The following HDAC9 variants were observed in gnomAD, a reference collection of about 807,000 sequenced individuals.
HDAC9 encodes histone deacetylase 9.
HDAC9 carries 41 observed loss-of-function variants against 139.4 expected under a neutral mutation model. The ratio of observed to expected loss-of-function variants is 0.29; its 90% confidence interval spans 0.23 to 0.38. The LOEUF is 0.38. HDAC9 is among the 10% of genes least tolerant of loss of function. The probability of loss-of-function intolerance (pLI) is 1.00; values close to 1 mark genes in which losing one functional copy is unlikely to be tolerated. For missense variants in HDAC9, 1,147 were observed against 1,297.0 expected (o/e 0.88, Z 1.78); for synonymous variants, 517 against 476.2 (o/e 1.09, Z -1.12).
At chr7:18,422,098 A>G (rs1314433405) in intron 1 of HDAC9, among the ~76,000 whole-genome samples, 1 of 152,172 alleles carries the variant, frequency 6.6e-6, no homozygotes, top group Non-Finnish European at 1.5e-5. Flanking sequence ...TATAAAGAGG[A>G]CATATTCTCA....
intron 2 of HDAC9, among the ~76,000 whole-genome samples, chr7:18,523,045 G>A (rs1178477306): frequency 6.6e-6 from 1 of 152,118 alleles, no homozygotes; most frequent in African/African-American, 2.4e-5. Context: ...AGAAGGCCTG[G>A]GAAGCCTTTC....
At chr7:18,723,754 G>C (rs2129126130) in intron 12 of HDAC9, among the ~76,000 whole-genome samples, 1 of 152,028 alleles carries the variant, frequency 6.6e-6, no homozygotes, top group East Asian at 1.9e-4. Context: ...TATTTAAATG[G>C]AGTCCTTACG....
At chr7:18,595,712 C>T (rs1262049729) in intron 6 of HDAC9, among the ~76,000 whole-genome samples, 1 of 151,944 alleles carries the variant, frequency 6.6e-6, no homozygotes, top group Non-Finnish European at 1.5e-5. Context: ...TTGAATATAT[C>T]CTTACCACTG....
chr7:18,804,703 T>C (rs990076381), intron 17 of HDAC9, among the ~76,000 whole-genome samples: 3 of 152,212 alleles, frequency 2.0e-5, no homozygotes, highest in African/African-American at 7.2e-5. Flanking sequence ...GTGAATTCCT[T>C]AAAACAGCCA....
chr7:18,370,386 G>C (rs914342159), intron 1 of HDAC9, among the ~76,000 whole-genome samples: 1 of 152,092 alleles, frequency 6.6e-6, no homozygotes, highest in South Asian at 2.1e-4. Context: ...TTAATTTAGA[G>C]GGTGGCTGGA....
chr7:18,137,898 AC>A (rs1785553498), intron 1 of HDAC9, among the ~76,000 whole-genome samples: 1 of 151,762 alleles, frequency 6.6e-6, no homozygotes, highest in African/African-American at 2.4e-5. Context: ...TCCTCCTTGT[AC>A]CTCTGGTAGA....
intron 2 of HDAC9, among the ~76,000 whole-genome samples, chr7:18,253,152 G>A (rs1795026760): frequency 6.6e-6 from 1 of 152,140 alleles, no homozygotes; most frequent in African/African-American, 2.4e-5. Flanking sequence ...CCAGTCTACT[G>A]TTGATGAGCA....
At chr7:18,575,745 G>A (rs1030627288) in intron 2 of HDAC9, among the ~76,000 whole-genome samples, 4 of 152,204 alleles carry the variant, frequency 2.6e-5, no homozygotes, top group African/African-American at 9.7e-5. Context: ...AATTGCTTTA[G>A]GATTTTAATC....
At chr7:18,222,630 A>G (rs1792783960) in intron 2 of HDAC9, among the ~76,000 whole-genome samples, 1 of 152,110 alleles carries the variant, frequency 6.6e-6, no homozygotes, top group Admixed American at 6.6e-5. Flanking sequence ...TTTTTCCAGA[A>G]CTTGTTATTT....
intron 6 of HDAC9, among the ~76,000 whole-genome samples, chr7:18,625,404 C>T (rs900298416): frequency 6.6e-6 from 1 of 152,170 alleles, no homozygotes; most frequent in Non-Finnish European, 1.5e-5. Flanking sequence ...TCTCATACTT[C>T]GCACTATTAA....
intron 1 of HDAC9, among the ~76,000 whole-genome samples, chr7:18,462,676 G>A (rs1793952296): frequency 6.6e-6 from 1 of 151,896 alleles, no homozygotes; most frequent in South Asian, 2.1e-4. Flanking sequence ...ACTTAAGTTG[G>A]TGAGATTGAT....
intron 22 of HDAC9, among the ~76,000 whole-genome samples, chr7:18,915,825 G>GT (rs1411045371): frequency 6.6e-6 from 1 of 151,280 alleles, no homozygotes; most frequent in Non-Finnish European, 1.5e-5. Context: ...TCTATTTATG[G>GT]TTTTTTTGTT....
chr7:18,295,082 T>A (rs1157206470), intron 1 of HDAC9, among the ~76,000 whole-genome samples: 1 of 152,098 alleles, frequency 6.6e-6, no homozygotes, highest in Non-Finnish European at 1.5e-5. Context: ...AGGCATAAGA[T>A]GTCATGTAGA....
intron 2 of HDAC9, among the ~76,000 whole-genome samples, chr7:18,277,139 C>A (rs185824175): frequency 6.6e-6 from 1 of 151,920 alleles, no homozygotes; most frequent in Non-Finnish European, 1.5e-5. Context: ...GATGAATGAG[C>A]GTTGTGTGGA....
At chr7:18,750,646 T>C (rs1291442563) in intron 14 of HDAC9, among the ~76,000 whole-genome samples, 3 of 152,182 alleles carry the variant, frequency 2.0e-5, no homozygotes, top group Non-Finnish European at 4.4e-5. Context: ...TGGTCAATTT[T>C]AGAGTTATCT....
chr7:18,601,361 G>A (rs1384246284), intron 6 of HDAC9, among the ~76,000 whole-genome samples: 1 of 152,068 alleles, frequency 6.6e-6, no homozygotes, highest in African/African-American at 2.4e-5. Flanking sequence ...TGCCAGAGTT[G>A]TTTGTTGTCA....
intron 1 of HDAC9, among the ~76,000 whole-genome samples, chr7:18,489,118 A>C (rs1323657981): frequency 6.6e-6 from 1 of 152,082 alleles, no homozygotes; most frequent in East Asian, 1.9e-4. Context: ...TCATCTGAAG[A>C]AGGAATCATT....
chr7:18,285,643 T>A (rs1325439452), upstream of HDAC9, among the ~76,000 whole-genome samples: 7 of 152,216 alleles, frequency 4.6e-5, no homozygotes, highest in Non-Finnish European at 4.4e-5. Context: ...CAATGATATA[T>A]GAAAATGTTA....
intron 2 of HDAC9, among the ~76,000 whole-genome samples, chr7:18,262,187 A>G (rs1795724595): frequency 6.6e-6 from 1 of 152,226 alleles, no homozygotes; most frequent in Non-Finnish European, 1.5e-5. Context: ...ATTTAAACAT[A>G]GGGGAGTAAG....
Sources: allele counts gnomAD v4.1 joint callset (sites outside exome capture counted in the v4.1 genomes callset), GRCh38; gene constraint gnomAD v4.1.1; transcripts MANE v1.5; gene names NCBI Gene and HGNC (gene_info 2026-07-23, HGNC 2026-07-21).